Variants in FCHO2 observed in about 807,000 individuals in gnomAD.
FCHO2 encodes F-BAR domain only protein 2.
FCHO2 carries 43 observed loss-of-function variants against 114.1 expected under a neutral mutation model. The observed-to-expected ratio is 0.38, with a 90% confidence interval of 0.30 to 0.49. The LOEUF (loss-of-function observed/expected upper bound fraction) is 0.49, where lower values mean the gene tolerates loss of function less well. Ranked by LOEUF, FCHO2 falls within the 20% of genes least tolerant of loss-of-function variation. The pLI, the probability that FCHO2 is intolerant of heterozygous loss-of-function variation, is 0.97. For synonymous variants in FCHO2, 293 were observed against 315.2 expected, an observed-to-expected ratio of 0.93 and a Z score of 0.75; for missense variants, 807 against 950.4, an observed-to-expected ratio of 0.85 and a Z score of 1.98.
intron 2 of FCHO2, among the ~76,000 whole-genome samples, chr5:72,975,878 A>G (rs1752840575): frequency 6.6e-6 from 1 of 151,392 alleles, no homozygotes; most frequent in South Asian, 2.1e-4. Context: ...TGACTTACTC[A>G]GGGACATCTT....
intron 16 of FCHO2, among the ~76,000 whole-genome samples, chr5:73,057,031 C>G (rs985152939): frequency 2.6e-5 from 4 of 152,082 alleles, no homozygotes; most frequent in African/African-American, 9.7e-5. Flanking sequence ...GTGATCATGG[C>G]TCTCTGCAGC....
At chr5:73,005,409 A>G (rs890765610) in intron 5 of FCHO2, among the ~76,000 whole-genome samples, 1 of 152,056 alleles carries the variant, frequency 6.6e-6, no homozygotes, top group African/African-American at 2.4e-5. Context: ...CATCCTCCAC[A>G]ATTATGGTTT....
At chr5:73,011,481 A>G (rs1368683360) in intron 6 of FCHO2, among the ~76,000 whole-genome samples, 1 of 151,840 alleles carries the variant, frequency 6.6e-6, no homozygotes, top group East Asian at 1.9e-4. Context: ...AACTTTTTAA[A>G]TCTTTTTCCT....
chr5:73,015,791 AT>A, intron 7 of FCHO2, 67 bp downstream of exon 7: 3 of 918,586 alleles, frequency 3.3e-6, no homozygotes, highest in Non-Finnish European at 4.8e-6. Flanking sequence ...CTTTAAAAAT[AT>A]TTTCTCACTC....
chr5:72,997,372 G>A, intron 5 of FCHO2: 5 of 1,591,356 alleles, frequency 3.1e-6, no homozygotes, highest in Non-Finnish European at 4.3e-6. Flanking sequence ...TTCTTAAGAC[G>A]AGATACTACG....
chr5:73,006,405 C>A, intron 5 of FCHO2, 40 bp from the exon 6 acceptor site: 2 of 1,250,680 alleles, frequency 1.6e-6, no homozygotes, highest in South Asian at 3.8e-5. Context: ...GAAAAAAGGT[C>A]AATGCACAGT....
intron 5 of FCHO2, among the ~76,000 whole-genome samples, chr5:72,995,806 CTATT>C (rs1363782596): frequency 2.6e-5 from 4 of 152,044 alleles, no homozygotes; most frequent in Admixed American, 6.6e-5. Context: ...ATAGATTAAT[CTATT>C]TATGAGGGCA....
At chr5:73,026,196 C>T (rs972368872) in intron 8 of FCHO2, among the ~76,000 whole-genome samples, 4 of 152,154 alleles carry the variant, frequency 2.6e-5, no homozygotes, top group African/African-American at 9.7e-5. Context: ...TGCAGTGGCT[C>T]ACACCTGTAA....
At chr5:73,042,393 CATTAA>C (rs543328414) in intron 11 of FCHO2, among the ~76,000 whole-genome samples, 1 of 152,186 alleles carries the variant, frequency 6.6e-6, no homozygotes, top group South Asian at 2.1e-4. Flanking sequence ...TTATTTGTAG[CATTAA>C]ATTGATGATG....
intron 5 of FCHO2, among the ~76,000 whole-genome samples, chr5:73,001,078 A>C (rs535087352): frequency 6.6e-6 from 1 of 152,174 alleles, no homozygotes; most frequent in South Asian, 2.1e-4. Flanking sequence ...TTTCTTATGA[A>C]AGATGTTTCT....
At chr5:72,970,875 A>C in intron 2 of FCHO2, among the ~76,000 whole-genome samples, 1 of 152,036 alleles carries the variant, frequency 6.6e-6, no homozygotes, top group East Asian at 1.9e-4. Context: ...AACAGTCCCC[A>C]GAGTGTGATG....
At chr5:72,962,989 C>T (rs1751959375) in intron 1 of FCHO2, among the ~76,000 whole-genome samples, 1 of 151,892 alleles carries the variant, frequency 6.6e-6, no homozygotes, top group African/African-American at 2.4e-5. Context: ...ACAAAAACAA[C>T]AGCATGACAG....
intron 5 of FCHO2, among the ~76,000 whole-genome samples, chr5:72,993,273 A>G (rs894633259): frequency 6.6e-6 from 1 of 152,138 alleles, no homozygotes; most frequent in Non-Finnish European, 1.5e-5. Context: ...TTTAAAAAGC[A>G]ATAGAGAAAA....
At chr5:72,964,266 G>A (rs1050617713) in intron 1 of FCHO2, among the ~76,000 whole-genome samples, 1 of 152,240 alleles carries the variant, frequency 6.6e-6, no homozygotes, top group Middle Eastern at 3.4e-3. Flanking sequence ...TCTGAGAGGT[G>A]AGAAAAACAA....
intron 1 of FCHO2, among the ~76,000 whole-genome samples, chr5:72,956,418 A>C (rs1464570058): frequency 6.6e-6 from 1 of 151,478 alleles, no homozygotes; most frequent in Non-Finnish European, 1.5e-5. Context: ...GGGAGACGGG[A>C]CCCAGCCCCA....
Position 73,078,330 on chromosome 5 carries a change from G to C in FCHO2, c.1980+18G>C. 1 of 1,565,824 alleles carries C rather than the reference G, an allele frequency of 6.4e-7. No homozygotes were observed. Among genetic ancestry groups the C allele is most frequent in the Non-Finnish European group, 8.6e-7 (1 of 1,160,908 alleles). On this transcript the variant is annotated intron_variant, in intron 22 of 25. Coordinates refer to ENST00000430046, the MANE Select transcript of FCHO2 (RefSeq NM_138782.3). The stretch of plus-strand genomic sequence containing the variant: ...AGTATCAGGTGAGTGTCACGACATT[G>C]CAAAAATTCTAAATTAAAATATTAA...
At chr5:72,969,003 A>T (rs570565862) in intron 2 of FCHO2, among the ~76,000 whole-genome samples, 3 of 152,324 alleles carry the variant, frequency 2.0e-5, no homozygotes, top group Admixed American at 6.5e-5. Flanking sequence ...TCCTAAGTAT[A>T]TATTTTAAAA....
At chr5:73,001,492 TATTA>T (rs965785142) in intron 5 of FCHO2, among the ~76,000 whole-genome samples, 52 of 151,914 alleles carry the variant, frequency 3.4e-4, no homozygotes, top group Non-Finnish European at 6.9e-4. Context: ...GAAATTTCTT[TATTA>T]GTTAGTGCTT....
In FCHO2 at chr5:73,068,765, A is replaced by G. The variant is rs371162669; in HGVS notation, c.1565A>G (p.Asn522Ser). Residue 522 changes from asparagine to serine, a missense_variant, in exon 19 of 26, where the codon AAT becomes AGT. Physicochemically the swap from Asn to Ser is conservative, Grantham distance 46. Coordinates refer to ENST00000430046, the MANE Select transcript of FCHO2 (RefSeq NM_138782.3). The stretch of plus-strand genomic sequence containing the variant: ...TCATCTGCTTCATTGAGTGCTGCCA[A>G]TACTCCAACAGTAGGTAAGTGATTA... ...ISSSASLSAA[N>S]TPTVGVSRGP... The G allele has an allele frequency of 1.1e-5, 18 of 1,611,766 alleles. No homozygotes were observed. Among genetic ancestry groups the G allele is most frequent in the East Asian group, 4.5e-5 (2 of 44,812 alleles).
Sources: gnomAD v4.1 joint callset for allele counts (sites outside exome capture counted in the v4.1 genomes callset) on GRCh38, gnomAD v4.1.1 for gene constraint, MANE v1.5 for transcripts, NCBI Gene and HGNC (gene_info 2026-07-23, HGNC 2026-07-21) for gene names.